Variants in TLL1 observed in about 807,000 individuals in gnomAD.
TLL1 encodes tolloid like 1, also known as tolloid-like protein 1.
In TLL1, 49 loss-of-function variants were observed where a neutral mutation model predicts 128.2. That is an observed-to-expected ratio of 0.38 (90% CI 0.30 to 0.48). The LOEUF is 0.48. Ranked by LOEUF, TLL1 falls within the 20% of genes least tolerant of loss-of-function variation. The probability of loss-of-function intolerance (pLI) is 0.96; values close to 1 mark genes in which losing one functional copy is unlikely to be tolerated. For missense variants in TLL1, 1,123 were observed against 1,242.0 expected (o/e 0.90, Z 1.44); for synonymous variants, 454 against 418.8 (o/e 1.08, Z -1.03).
chr4:166,087,074 G>A (rs1162758298), intron 18 of TLL1, among the ~76,000 whole-genome samples: 1 of 152,106 alleles, frequency 6.6e-6, no homozygotes, highest in Non-Finnish European at 1.5e-5. Context: ...TCTTGGTTCT[G>A]AAAGACTCTG....
At chr4:166,092,183 C>A (rs139664575) in intron 19 of TLL1, among the ~76,000 whole-genome samples, 2 of 151,998 alleles carry the variant, frequency 1.3e-5, no homozygotes, top group African/African-American at 4.8e-5. Flanking sequence ...ACAAATTCAT[C>A]CATGAAATAA....
At chr4:166,055,895 G>A (rs571463874) in intron 13 of TLL1, among the ~76,000 whole-genome samples, 1 of 151,990 alleles carries the variant, frequency 6.6e-6, no homozygotes, top group Non-Finnish European at 1.5e-5. Context: ...CACTTATGTT[G>A]TGTGTCATTA....
At chr4:165,876,601 T>C (rs373953937) in intron 1 of TLL1, among the ~76,000 whole-genome samples, 17 of 152,314 alleles carry the variant, frequency 1.1e-4, no homozygotes, top group African/African-American at 3.8e-4. Flanking sequence ...CTTTTGAGTG[T>C]TGGTGTTCAC....
At chr4:165,892,521 G>A (rs1731474339) in intron 1 of TLL1, among the ~76,000 whole-genome samples, 1 of 152,116 alleles carries the variant, frequency 6.6e-6, no homozygotes, top group Non-Finnish European at 1.5e-5. Context: ...CTAATTAATT[G>A]TGGCTTCCTG....
rs74880479 is a variant in TLL1 at position 166,007,886 on chromosome 4, G to T, written c.812-57G>T. The T allele has an allele frequency of 3.2e-3, 3,602 of 1,117,422 alleles. 68 individuals are homozygous for T. In the African/African-American group the frequency reaches 0.048, roughly 15 times the overall value. The allele number at this position is 1,117,422 out of a possible 1,614,324, so 69.2% of individuals were successfully genotyped here. On this transcript the variant is annotated intron_variant, in intron 6 of 20. Transcript: ENST00000061240. ...GATGCAGGTGTAGGAAAGGCCTTCT[G>T]GTCTATTTTCTGTCAGTTAAAAGGC...
intron 1 of TLL1, among the ~76,000 whole-genome samples, chr4:165,977,278 A>C (rs1055392755): frequency 1.3e-5 from 2 of 152,036 alleles, no homozygotes; most frequent in African/African-American, 2.4e-5. Flanking sequence ...TTACTGAGTG[A>C]GTTCTTGTGA....
chr4:166,051,450 T>C (rs983723038), intron 12 of TLL1, among the ~76,000 whole-genome samples: 3 of 152,174 alleles, frequency 2.0e-5, no homozygotes, highest in Non-Finnish European at 4.4e-5. Flanking sequence ...ATGGACTTGA[T>C]TCACATTTTA....
At chr4:166,043,130 T>C (rs916778152) in intron 11 of TLL1, 144 bp from the exon 12 acceptor site, 2 of 1,028,480 alleles carry the variant, frequency 1.9e-6, no homozygotes, top group Admixed American at 1.9e-5. Context: ...TTTGCTACAT[T>C]ACAACCAGTC....
intron 9 of TLL1, 132 bp downstream of exon 9, chr4:166,025,563 C>A: frequency 1.3e-6 from 1 of 744,668 alleles, no homozygotes; most frequent in Non-Finnish European, 2.2e-6. Flanking sequence ...TCAGAAAATT[C>A]ATAATGGGAA....
At chr4:165,898,574 T>C (rs1731799999) in intron 1 of TLL1, among the ~76,000 whole-genome samples, 1 of 152,218 alleles carries the variant, frequency 6.6e-6, no homozygotes, top group Non-Finnish European at 1.5e-5. Flanking sequence ...ATCCCAGGGA[T>C]GAAGCCCACT....
intron 19 of TLL1, among the ~76,000 whole-genome samples, chr4:166,095,972 G>T (rs1454858009): frequency 6.6e-6 from 1 of 152,168 alleles, no homozygotes; most frequent in East Asian, 1.9e-4. Flanking sequence ...CTTTTAAAAT[G>T]ACCTATTACA....
intron 14 of TLL1, among the ~76,000 whole-genome samples, chr4:166,059,078 T>C (rs1428813346): frequency 1.3e-5 from 2 of 152,088 alleles, no homozygotes; most frequent in African/African-American, 4.8e-5. Context: ...AATCAAAAAA[T>C]AACAAGACTA....
chr4:165,929,395 C>T (rs184213701), intron 1 of TLL1, among the ~76,000 whole-genome samples: 203 of 152,142 alleles, frequency 1.3e-3, no homozygotes, highest in African/African-American at 4.7e-3. Flanking sequence ...AGAAAGTAGC[C>T]GGGTGTGGTG....
intron 1 of TLL1, among the ~76,000 whole-genome samples, chr4:165,905,380 G>A (rs1277376636): frequency 6.6e-6 from 1 of 152,126 alleles, no homozygotes; most frequent in Non-Finnish European, 1.5e-5. Context: ...ATTCAATAAA[G>A]CTGTTAAGAT....
chr4:166,075,033 A>T, intron 17 of TLL1, 30 bp downstream of exon 17: 1 of 1,611,220 alleles, frequency 6.2e-7, no homozygotes, highest in South Asian at 1.1e-5. Flanking sequence ...TTTTTTGACA[A>T]CATGTAGAAT....
intron 1 of TLL1, among the ~76,000 whole-genome samples, chr4:165,933,009 T>A (rs967183860): frequency 3.3e-5 from 5 of 152,242 alleles, no homozygotes; most frequent in Non-Finnish European, 7.3e-5. Flanking sequence ...TCTTTAAGTA[T>A]ATGAACTTTC....
intron 1 of TLL1, among the ~76,000 whole-genome samples, chr4:165,913,499 T>C (rs1330972104): frequency 6.6e-6 from 1 of 152,190 alleles, no homozygotes; most frequent in Non-Finnish European, 1.5e-5. Flanking sequence ...AGCTGATCCT[T>C]TTTAGGTATG....
At chr4:165,970,839 C>G (rs1455490592) in intron 1 of TLL1, among the ~76,000 whole-genome samples, 2 of 152,126 alleles carry the variant, frequency 1.3e-5, no homozygotes, top group East Asian at 3.9e-4. Context: ...GGCTTTTCTG[C>G]AACTAATAAA....
intron 8 of TLL1, among the ~76,000 whole-genome samples, chr4:166,016,781 A>G (rs1737970661): frequency 6.6e-6 from 1 of 151,976 alleles, no homozygotes; most frequent in Non-Finnish European, 1.5e-5. Flanking sequence ...GGGACAGCTA[A>G]AAGAGATATA....
Sources: gnomAD v4.1 joint callset for allele counts (sites outside exome capture counted in the v4.1 genomes callset) on GRCh38, gnomAD v4.1.1 for gene constraint, MANE v1.5 for transcripts, NCBI Gene and HGNC (gene_info 2026-07-23, HGNC 2026-07-21) for gene names.